SLC13A4: variants seen among roughly 807,000 people sequenced by gnomAD.
SLC13A4 encodes Na(+)/sulfate cotransporter SUT-1.
A neutral mutation model predicts 72.7 loss-of-function variants in SLC13A4; 28 were observed. The observed-to-expected ratio is 0.39, with a 90% CI of 0.29 to 0.53. SLC13A4 has a LOEUF of 0.53. Among genes scored for constraint, SLC13A4 ranks in the 20% least tolerant of loss-of-function variants. SLC13A4 has a pLI of 0.78. For synonymous variants in SLC13A4, 312 were observed against 325.5 expected (o/e 0.96, Z 0.45); for missense variants, 653 against 788.0 (o/e 0.83, Z 2.05).
chr7:135,691,543 C>G lies in SLC13A4; in HGVS notation c.1321+5G>C. On this transcript the variant is annotated splice_donor_5th_base_variant and intron_variant, in intron 12 of 15. Coordinates refer to ENST00000682651, the MANE Select transcript of SLC13A4 (RefSeq NM_001318192.2). ...AGCTACCCCCAGTTTCTTCCCTTCT[C>G]TCACCATCATTCTTTTTCCCAAAGC... is the stretch of plus-strand genomic sequence containing the variant. 1 of 1,608,232 alleles carries G rather than the reference C, an allele frequency of 6.2e-7. No homozygotes were observed. The highest frequency in any genetic ancestry group is 8.5e-7 in the Non-Finnish European group (1 of 1,174,708).
intron 3 of SLC13A4, among the ~76,000 whole-genome samples, chr7:135,706,951 CGTT>C (rs1796178726): frequency 6.6e-6 from 1 of 152,176 alleles, no homozygotes; most frequent in Non-Finnish European, 1.5e-5. Flanking sequence ...GCTTTGAGAA[CGTT>C]GTGCAATGTG....
intron 2 of SLC13A4, among the ~76,000 whole-genome samples, chr7:135,708,762 A>T (rs1329863828): frequency 1.3e-5 from 2 of 152,024 alleles, no homozygotes; most frequent in Admixed American, 1.3e-4. Flanking sequence ...ATTACCCTTA[A>T]TCATGCTACT....
In SLC13A4 at chr7:135,722,939, A is replaced by G. The variant is rs531281366; in HGVS notation, c.100-1416T>C. 5.3e-5 allele frequency among the ~76,000 whole-genome samples: 8 copies of G among 152,244 alleles called. 1 individual carries two copies. In the South Asian group the frequency reaches 1.2e-3, roughly 24 times the overall value. On this transcript the variant is annotated intron_variant, in intron 1 of 15. Coordinates refer to ENST00000682651, the MANE Select transcript of SLC13A4 (RefSeq NM_001318192.2). The stretch of plus-strand genomic sequence containing the variant: ...TCAGCTCCTAACTCAGTGTTTGTCA[A>G]CCTTCGTACTACTGACATTTAGGGC...
intron 3 of SLC13A4, among the ~76,000 whole-genome samples, chr7:135,706,855 G>A (rs534019118): frequency 2.0e-5 from 3 of 152,340 alleles, no homozygotes; most frequent in South Asian, 4.1e-4. Context: ...CCGTGTCACT[G>A]TGTGCACTTT....
rs569993141 is a variant in SLC13A4, at chr7:135,694,518, G to A, written c.1020-280C>T. ...CTCAGGGACTTGTGCAAGTGTATTC[G>A]TGTGGGGTCATTTCTACCTACTTGT... On this transcript the variant is annotated intron_variant, in intron 9 of 15. Coordinates refer to ENST00000682651, the MANE Select transcript of SLC13A4 (RefSeq NM_001318192.2). Among the ~76,000 whole-genome samples, 10 of 152,272 alleles carry A rather than the reference G, an allele frequency of 6.6e-5. No individual in the cohort carries two copies. In the Middle Eastern group the frequency reaches 0.01, roughly 156 times the overall value.
chr7:135,711,963 A>ATTTTTTTTTTTTTT (rs529940903), intron 2 of SLC13A4, among the ~76,000 whole-genome samples: 1 of 46,898 alleles, frequency 2.1e-5, no homozygotes, highest in Non-Finnish European at 4.0e-5. Flanking sequence ...ATGTTTTTGG[A>ATTTTTTTTTTTTTT]TTTTTTTTTT....
rs1796659441 is a variant in SLC13A4, at chr7:135,726,391, CCT to C, written c.99+1005_99+1006del. Among the ~76,000 whole-genome samples, 4 of 152,246 alleles carry C rather than the reference CCT, an allele frequency of 2.6e-5. No individual in the cohort carries two copies. In the South Asian group the frequency reaches 8.3e-4, roughly 32 times the overall value. ...TTTTTAAGAAGAACCATCCTAATCCCCTCTGTTTAACTGTTTAACTTAATCTT... is the reference window on the plus strand; with the variant it reads ...TTTTTAAGAAGAACCATCCTAATCCCCTGTTTAACTGTTTAACTTAATCTT... On this transcript the variant is annotated intron_variant, in intron 1 of 15. Coordinates refer to ENST00000682651, the MANE Select transcript of SLC13A4 (RefSeq NM_001318192.2).
chr7:135,717,615 G>A (rs552624431), intron 2 of SLC13A4, among the ~76,000 whole-genome samples: 2 of 152,272 alleles, frequency 1.3e-5, no homozygotes, highest in South Asian at 4.1e-4. Context: ...TCTGAGCTTT[G>A]CACACAACTC....
chr7:135,727,526 G>A lies in SLC13A4; in HGVS notation c.-30C>T, dbSNP rs1458186887. 3 of 1,535,662 alleles carry A rather than the reference G, an allele frequency of 2.0e-6. No individual in the cohort carries two copies. The highest frequency in any genetic ancestry group is 2.6e-6 in the Non-Finnish European group (3 of 1,136,696). ...CCTCTGTCCTCTCCAGCTCGTCCTT[G>A]GACCCCGCTCTGCCGGCGAAAGGCT... On this transcript the variant is annotated 5_prime_UTR_variant, in exon 1 of 16. Coordinates refer to ENST00000682651, the MANE Select transcript of SLC13A4 (RefSeq NM_001318192.2).
intron 11 of SLC13A4, chr7:135,692,079 A>G: frequency 1.9e-6 from 1 of 529,602 alleles, no homozygotes. Context: ...ACCACCTATG[A>G]GGTAACCAAG....
Position 135,695,458 on chromosome 7 carries a change from A to T in SLC13A4, c.929T>A (p.Phe310Tyr), listed in dbSNP as rs139167778. 2 of 1,614,060 alleles carry T rather than the reference A, an allele frequency of 1.2e-6. No individual in the cohort carries two copies. The highest frequency in any genetic ancestry group is 1.7e-6 in the Non-Finnish European group (2 of 1,180,008). Residue 310 changes from phenylalanine to tyrosine, a missense_variant, in exon 9 of 16, where the codon TTT becomes TAT. Phe to Tyr is a conservative substitution (Grantham distance 22). Coordinates refer to ENST00000682651, the MANE Select transcript of SLC13A4 (RefSeq NM_001318192.2). ...NQYPAAEVVNFGTWFLFSFPI... is the reference protein window; with the variant it reads ...NQYPAAEVVNYGTWFLFSFPI... ...GAAGCTGAAGAGGAACCAGGTGCCAAAGTTCACCACCTCTGCGGCTGGATA... is the reference window on the plus strand; with the variant it reads ...GAAGCTGAAGAGGAACCAGGTGCCATAGTTCACCACCTCTGCGGCTGGATA...
At chr7:135,690,330 A>G (rs911865727) in intron 13 of SLC13A4, among the ~76,000 whole-genome samples, 1 of 152,066 alleles carries the variant, frequency 6.6e-6, no homozygotes, top group African/African-American at 2.4e-5. Context: ...ACTTTAGGAA[A>G]TTCAATCATC....
chr7:135,725,795 C>CA (rs1236067376), intron 1 of SLC13A4, among the ~76,000 whole-genome samples: 1 of 151,476 alleles, frequency 6.6e-6, no homozygotes, highest in African/African-American at 2.4e-5. Flanking sequence ...CCCATTTCTA[C>CA]AAAAAAAATT....
intron 2 of SLC13A4, among the ~76,000 whole-genome samples, chr7:135,714,686 A>G (rs745781051): frequency 1.3e-5 from 2 of 152,244 alleles, no homozygotes; most frequent in Non-Finnish European, 2.9e-5. Flanking sequence ...AGAGTGCTTT[A>G]TGAAATGCCC....
At chr7:135,725,872 G>C (rs956579713) in intron 1 of SLC13A4, among the ~76,000 whole-genome samples, 6 of 152,160 alleles carry the variant, frequency 3.9e-5, no homozygotes, top group African/African-American at 1.4e-4. Context: ...CAGAGGCTGA[G>C]GCACGAGGAT....
rs11980045 is a variant in SLC13A4 at position 135,684,291 on chromosome 7, C to T, written c.1609-30G>A. 6.6e-3 allele frequency: 10,394 copies of T among 1,572,724 alleles called. 610 individuals carry two copies. In the African/African-American group the frequency reaches 0.12, roughly 19 times the overall value. On this transcript the variant is annotated intron_variant, in intron 14 of 15. Coordinates refer to ENST00000682651, the MANE Select transcript of SLC13A4 (RefSeq NM_001318192.2). ...AAGAGAGAATTCACAGAAACATTCA[C>T]GAGATTAGGCTTGCATTTCCTGTGC...
rs961843486 is a variant in SLC13A4 at position 135,721,071 on chromosome 7, C to A, written c.228+324G>T. Among the ~76,000 whole-genome samples, 28 of 152,250 alleles carry A rather than the reference C, an allele frequency of 1.8e-4. No individual in the cohort carries two copies. The East Asian group carries it at 4.2e-3, about 23-fold the overall frequency. On this transcript the variant is annotated intron_variant, in intron 2 of 15. Coordinates refer to ENST00000682651, the MANE Select transcript of SLC13A4 (RefSeq NM_001318192.2). ...TAGACATCCAGAGTCTGAAAAAGGT[C>A]AACAGCAGCTGAGTTTTAGGCATCA...
chr7:135,695,265 T>C lies in SLC13A4; in HGVS notation c.1019+103A>G. On this transcript the variant is annotated intron_variant, in intron 9 of 15. Transcript: ENST00000682651. ...ATTCTCCTTGGGCATCCTCTGTGGT[T>C]ACTTGGCAGTCCCCCTTGCACAGAG... is the stretch of plus-strand genomic sequence containing the variant. 7 of 1,482,816 alleles carry C rather than the reference T, an allele frequency of 4.7e-6. No individual in the cohort carries two copies. The South Asian group carries it at 7.8e-5, about 16-fold the overall frequency. The allele number at this position is 1,482,816 out of a possible 1,614,324, so 91.9% of individuals were successfully genotyped here.
intron 1 of SLC13A4, among the ~76,000 whole-genome samples, chr7:135,725,252 T>G (rs190661330): frequency 6.6e-6 from 1 of 152,352 alleles, no homozygotes; most frequent in East Asian, 1.9e-4. Context: ...ACTGCTCGTT[T>G]TCCACGCAGT....
Sources: allele counts gnomAD v4.1 joint callset (sites outside exome capture counted in the v4.1 genomes callset), GRCh38; gene constraint gnomAD v4.1.1; transcripts MANE v1.5; gene names NCBI Gene and HGNC (gene_info 2026-07-23, HGNC 2026-07-21).